The following ATXN7L1 variants were observed in gnomAD, a reference collection of about 807,000 sequenced individuals.
The protein encoded by ATXN7L1 is ataxin 7 like 1, also known as ataxin-7-like protein 1.
In ATXN7L1, 15 loss-of-function variants were observed where a neutral mutation model predicts 70.8. The observed-to-expected ratio is 0.21, with a 90% confidence interval of 0.14 to 0.33. The LOEUF (loss-of-function observed/expected upper bound fraction) is 0.33, where lower values mean the gene tolerates loss of function less well. Among genes scored for constraint, ATXN7L1 ranks in the 10% least tolerant of loss-of-function variants. The pLI, the probability that ATXN7L1 is intolerant of heterozygous loss-of-function variation, is 1.00. For missense variants in ATXN7L1, 975 were observed against 1,097.1 expected (o/e 0.89, Z 1.57); for synonymous variants, 440 against 445.1 (o/e 0.99, Z 0.14).
intron 3 of ATXN7L1, among the ~76,000 whole-genome samples, chr7:105,727,442 G>A (rs1795939938): frequency 6.6e-6 from 1 of 151,940 alleles, no homozygotes; most frequent in Non-Finnish European, 1.5e-5. Flanking sequence ...GCCGAGGCGC[G>A]TGGATCACGT....
At chr7:105,827,415 T>C (rs1370871013) in intron 2 of ATXN7L1, among the ~76,000 whole-genome samples, 1 of 152,236 alleles carries the variant, frequency 6.6e-6, no homozygotes, top group Admixed American at 6.5e-5. Context: ...AGCAAATGTT[T>C]ATTGAGTATT....
intron 2 of ATXN7L1, among the ~76,000 whole-genome samples, chr7:105,851,100 A>G (rs1814812119): frequency 6.6e-6 from 1 of 152,150 alleles, no homozygotes; most frequent in South Asian, 2.1e-4. Context: ...ACCCAGGGAA[A>G]CCACTGGATT....
intron 3 of ATXN7L1, among the ~76,000 whole-genome samples, chr7:105,705,750 G>C (rs1793079141): frequency 6.6e-6 from 1 of 152,142 alleles, no homozygotes; most frequent in African/African-American, 2.4e-5. Flanking sequence ...TTAACTCCTT[G>C]TTTTCTTTCA....
chr7:105,854,761 G>A (rs1815464034), intron 2 of ATXN7L1, among the ~76,000 whole-genome samples: 2 of 151,906 alleles, frequency 1.3e-5, no homozygotes, highest in South Asian at 2.1e-4. Flanking sequence ...GTAAGCTGGG[G>A]CCAGCTTGTA....
At chr7:105,734,791 A>T (rs578096609) in intron 3 of ATXN7L1, among the ~76,000 whole-genome samples, 1 of 135,052 alleles carries the variant, frequency 7.4e-6, no homozygotes, top group Non-Finnish European at 1.5e-5. Flanking sequence ...CCAAACTCTA[A>T]TCAAAGTGAA....
intron 3 of ATXN7L1, among the ~76,000 whole-genome samples, chr7:105,749,646 G>A (rs886424909): frequency 5.9e-5 from 9 of 151,436 alleles, no homozygotes; most frequent in African/African-American, 2.2e-4. Flanking sequence ...AGAGTGAGAG[G>A]TTGTATCCCT....
At chr7:105,860,971 C>T (rs542606412) in intron 2 of ATXN7L1, among the ~76,000 whole-genome samples, 42 of 152,272 alleles carry the variant, frequency 2.8e-4, no homozygotes, top group African/African-American at 8.2e-4. Context: ...GCAAAGTACA[C>T]GCTGGGCATG....
intron 3 of ATXN7L1, among the ~76,000 whole-genome samples, chr7:105,735,536 T>C (rs1462146157): frequency 6.6e-6 from 1 of 152,188 alleles, no homozygotes; most frequent in Admixed American, 6.5e-5. Context: ...CCTTGTACGC[T>C]TTGATTTTAT....
chr7:105,664,509 AATAT>A (rs963726987), intron 4 of ATXN7L1, among the ~76,000 whole-genome samples: 1 of 143,924 alleles, frequency 6.9e-6, no homozygotes, highest in Non-Finnish European at 1.5e-5. Context: ...ATATATGTAT[AATAT>A]ATATATACAT....
At chr7:105,868,924 TAGAC>T (rs1048213847) in intron 2 of ATXN7L1, among the ~76,000 whole-genome samples, 21 of 152,296 alleles carry the variant, frequency 1.4e-4, no homozygotes, top group African/African-American at 4.8e-4. Context: ...GTTGTGGAAG[TAGAC>T]AGAGCCACAT....
chr7:105,735,010 G>A (rs1171960267), intron 3 of ATXN7L1, among the ~76,000 whole-genome samples: 2 of 152,148 alleles, frequency 1.3e-5, no homozygotes, highest in African/African-American at 4.8e-5. Context: ...AACTGAAAAG[G>A]TGGAGGCTGC....
At chr7:105,757,765 T>TC in intron 3 of ATXN7L1, among the ~76,000 whole-genome samples, 1 of 151,664 alleles carries the variant, frequency 6.6e-6, no homozygotes, top group South Asian at 2.1e-4. Flanking sequence ...ACATTTTTTT[T>TC]TTTTTGTAGC....
rs968644123 is a variant in ATXN7L1, at chr7:105,754,474, C to G, written c.355+34130G>C. On this transcript the variant is annotated intron_variant, in intron 3 of 11. Coordinates refer to ENST00000419735, the MANE Select transcript of ATXN7L1 (RefSeq NM_020725.2). ...GTAAAGTGGTGCGATCATAGCTCAC[C>G]GTGGTCTACATCGTGCAGCATTAGT... 4.0e-5 allele frequency among the ~76,000 whole-genome samples: 6 copies of G among 151,772 alleles called. No homozygotes were observed. The East Asian group carries it at 1.2e-3, about 29-fold the overall frequency.
chr7:105,690,067 C>T lies in ATXN7L1; in HGVS notation c.356-24779G>A, dbSNP rs375894792. Among the ~76,000 whole-genome samples the T allele has an allele frequency of 3.0e-4, 45 of 152,280 alleles. No individual in the cohort carries two copies. In the South Asian group the frequency reaches 5.0e-3, roughly 17 times the overall value. On this transcript the variant is annotated intron_variant, in intron 3 of 11. Coordinates refer to ENST00000419735, the MANE Select transcript of ATXN7L1 (RefSeq NM_020725.2). The stretch of plus-strand genomic sequence containing the variant: ...TTGCCCAGGCTGGAGTGCAATGGCG[C>T]GCTCTCGGCTCACAGCAACCTCCGC...
intron 2 of ATXN7L1, among the ~76,000 whole-genome samples, chr7:105,801,637 A>G (rs749473136): frequency 2.6e-5 from 4 of 152,170 alleles, no homozygotes; most frequent in Non-Finnish European, 5.9e-5. Flanking sequence ...CACCTGGCAC[A>G]TGGTTCAGTT....
At chr7:105,867,833 C>T (rs999606441) in intron 2 of ATXN7L1, among the ~76,000 whole-genome samples, 1 of 152,146 alleles carries the variant, frequency 6.6e-6, no homozygotes, top group Non-Finnish European at 1.5e-5. Flanking sequence ...TGGCAATGTA[C>T]GGAGATATTT....
intron 8 of ATXN7L1, among the ~76,000 whole-genome samples, chr7:105,622,977 G>A (rs528095697): frequency 5.5e-4 from 84 of 151,940 alleles, no homozygotes; most frequent in Non-Finnish European, 1.1e-3. Context: ...GGGAGCACCT[G>A]CCTCTACACG....
At chr7:105,620,446 A>C in intron 8 of ATXN7L1, 125 bp from the exon 9 acceptor site, 1 of 1,018,806 alleles carries the variant, frequency 9.8e-7, no homozygotes, top group Non-Finnish European at 1.4e-6. Context: ...AGCAAACCGT[A>C]CTGAAGCCAA....
chr7:105,870,883 A>C (rs1207766142), intron 2 of ATXN7L1, among the ~76,000 whole-genome samples: 1 of 152,160 alleles, frequency 6.6e-6, no homozygotes, highest in Non-Finnish European at 1.5e-5. Flanking sequence ...ATTCCTCACT[A>C]GGGGAACACA....
Sources: allele counts gnomAD v4.1 joint callset (sites outside exome capture counted in the v4.1 genomes callset), GRCh38; gene constraint gnomAD v4.1.1; transcripts MANE v1.5; gene names NCBI Gene and HGNC (gene_info 2026-07-23, HGNC 2026-07-21).